Variants in PDE7B observed in about 807,000 individuals in gnomAD.
The protein encoded by PDE7B is phosphodiesterase 7B.
Under a neutral mutation model 56.2 loss-of-function variants are expected in PDE7B, and 29 were observed. That is an observed-to-expected ratio of 0.52 (90% CI 0.38 to 0.70). The LOEUF is 0.70. Ranked by LOEUF, PDE7B falls within the 30% of genes least tolerant of loss-of-function variation. The probability of loss-of-function intolerance (pLI) is 0.00; values close to 1 mark genes in which losing one functional copy is unlikely to be tolerated. For missense variants in PDE7B, 490 were observed against 565.0 expected, an observed-to-expected ratio of 0.87 and a Z score of 1.35; for synonymous variants, 197 against 196.9, an observed-to-expected ratio of 1.00 and a Z score of 0.00.
At chr6:136,010,993 G>A (rs1222441363) in intron 2 of PDE7B, among the ~76,000 whole-genome samples, 1 of 152,118 alleles carries the variant, frequency 6.6e-6, no homozygotes, top group Non-Finnish European at 1.5e-5. Flanking sequence ...CTAGTCAACT[G>A]TTGACATTAC....
chr6:135,915,262 C>T lies in PDE7B; in HGVS notation c.22-32202C>T, dbSNP rs371473469. Reference sequence around the variant, plus strand: ...GTGGCCAAAACAGCACGTAGGTCTTCGTGTGGATGTATGTTTTCACTTCTC... The same window carrying T: ...GTGGCCAAAACAGCACGTAGGTCTTTGTGTGGATGTATGTTTTCACTTCTC... On this transcript the variant is annotated intron_variant, in intron 1 of 12. Coordinates refer to ENST00000308191, the MANE Select transcript of PDE7B (RefSeq NM_018945.4). Among the ~76,000 whole-genome samples the T allele has an allele frequency of 1.2e-4, 19 of 152,250 alleles. 2 individuals carry two copies. The highest frequency in any genetic ancestry group is 5.8e-4 in the East Asian group (3 of 5,184).
At chr6:136,030,578 C>A (rs1276707940) in intron 2 of PDE7B, among the ~76,000 whole-genome samples, 2 of 152,080 alleles carry the variant, frequency 1.3e-5, no homozygotes, top group African/African-American at 4.8e-5. Flanking sequence ...CCTTTTTTTT[C>A]CATCTTTATC....
intron 2 of PDE7B, chr6:136,038,613 G>A (rs1776366656): frequency 9.3e-7 from 1 of 1,073,156 alleles, no homozygotes; most frequent in Non-Finnish European, 1.2e-6. Flanking sequence ...GCCATAGGGA[G>A]GAAAATGAAC....
At chr6:135,989,374 A>G (rs968746774) in intron 2 of PDE7B, among the ~76,000 whole-genome samples, 1 of 152,132 alleles carries the variant, frequency 6.6e-6, no homozygotes, top group African/African-American at 2.4e-5. Context: ...AACACTTTGG[A>G]AGGCAAAGGC....
rs79030652 is a variant in PDE7B, at chr6:136,186,084, C to T, written c.1046-952C>T. On this transcript the variant is annotated intron_variant, in intron 11 of 12. Transcript: ENST00000308191. ...AGTAAGGGCAAAAAAAACACAATTA[C>T]ATTTGCACCAGCCTGATAGCTGACC... 9.2e-4 allele frequency among the ~76,000 whole-genome samples: 140 copies of T among 151,568 alleles called. 3 individuals are homozygous for T. In the East Asian group the frequency reaches 0.013, roughly 14 times the overall value.
intron 1 of PDE7B, among the ~76,000 whole-genome samples, chr6:135,933,350 G>C (rs1774327652): frequency 6.6e-6 from 1 of 152,206 alleles, no homozygotes; most frequent in African/African-American, 2.4e-5. Flanking sequence ...AAGTATGCTT[G>C]TGTTGACATG....
At chr6:135,956,567 C>T (rs915238526) in intron 2 of PDE7B, among the ~76,000 whole-genome samples, 11 of 152,078 alleles carry the variant, frequency 7.2e-5, no homozygotes, top group African/African-American at 2.7e-4. Context: ...TCACTTGAGC[C>T]CAAGAATTCA....
chr6:135,861,571 A>AT (rs1301307254), intron 1 of PDE7B, among the ~76,000 whole-genome samples: 2 of 150,526 alleles, frequency 1.3e-5, no homozygotes, highest in African/African-American at 4.9e-5. Context: ...TATTACAAAC[A>AT]TTTTTTCCAT....
chr6:135,972,551 C>T (rs1212821987), intron 2 of PDE7B, among the ~76,000 whole-genome samples: 1 of 152,098 alleles, frequency 6.6e-6, no homozygotes, highest in Non-Finnish European at 1.5e-5. Context: ...TGCTAATCTA[C>T]CTCCCTCTTC....
chr6:136,026,975 T>C (rs1776163556), intron 2 of PDE7B, among the ~76,000 whole-genome samples: 1 of 152,208 alleles, frequency 6.6e-6, no homozygotes, highest in Non-Finnish European at 1.5e-5. Flanking sequence ...AATATGGATA[T>C]AATGGTAGAG....
intron 1 of PDE7B, among the ~76,000 whole-genome samples, chr6:135,864,451 T>A (rs1263434273): frequency 1.3e-5 from 2 of 152,140 alleles, no homozygotes; most frequent in African/African-American, 2.4e-5. Context: ...TTATTTCTGA[T>A]GTGTACTTTT....
chr6:135,874,829 T>C (rs1172661250), intron 1 of PDE7B, among the ~76,000 whole-genome samples: 1 of 152,186 alleles, frequency 6.6e-6, no homozygotes, highest in Non-Finnish European at 1.5e-5. Context: ...ATGACTGTAA[T>C]AGGTAAATTA....
In PDE7B at chr6:136,031,461, C is replaced by T. The variant is rs969927343; in HGVS notation, c.83-77270C>T. On this transcript the variant is annotated intron_variant, in intron 2 of 12. Transcript: ENST00000308191. ...GTAATTCATAATTACCAGGAGGGGC[C>T]GGGCGCGGTGGCTCACGCCTGTAAT... Among the ~76,000 whole-genome samples, 4 of 152,248 alleles carry T rather than the reference C, an allele frequency of 2.6e-5. No homozygotes were observed. In the East Asian group the frequency reaches 7.7e-4, roughly 29 times the overall value.
intron 3 of PDE7B, among the ~76,000 whole-genome samples, chr6:136,114,560 T>C (rs983027565): frequency 6.6e-6 from 1 of 152,200 alleles, no homozygotes; most frequent in African/African-American, 2.4e-5. Flanking sequence ...GAGAGAATTC[T>C]TGGCAGACAG....
In PDE7B at chr6:136,001,050, G is replaced by A. The variant is rs200596125; in HGVS notation, c.82+53526G>A. Among the ~76,000 whole-genome samples, 17 of 152,298 alleles carry A rather than the reference G, an allele frequency of 1.1e-4. 1 individual carries two copies. The East Asian group carries it at 1.2e-3, about 10-fold the overall frequency. On this transcript the variant is annotated intron_variant, in intron 2 of 12. Transcript: ENST00000308191. ...CAGCATTTGCAGTTCATGAAAATCC[G>A]CTGTTCTGCAGCCACCGCTGCTGAT...
At chr6:136,145,011 G>T (rs1250368997) in intron 3 of PDE7B, among the ~76,000 whole-genome samples, 1 of 151,778 alleles carries the variant, frequency 6.6e-6, no homozygotes, top group Non-Finnish European at 1.5e-5. Flanking sequence ...TTTGATATTG[G>T]GTAATTACCC....
At chr6:136,038,142 C>A in intron 2 of PDE7B, 1 of 1,300,574 alleles carries the variant, frequency 7.7e-7, no homozygotes, top group Non-Finnish European at 1.0e-6. Context: ...GAGGATCTTA[C>A]GGGGGTTCGC....
intron 3 of PDE7B, among the ~76,000 whole-genome samples, chr6:136,139,035 T>G (rs1233984330): frequency 6.6e-6 from 1 of 152,158 alleles, no homozygotes; most frequent in Non-Finnish European, 1.5e-5. Context: ...TTGTTACATA[T>G]GTATACATGT....
chr6:135,966,791 C>T (rs963736188), intron 2 of PDE7B, among the ~76,000 whole-genome samples: 19 of 152,200 alleles, frequency 1.2e-4, no homozygotes, highest in African/African-American at 2.4e-5. Context: ...AAGAAAGGCA[C>T]ATCTATACAG....
Sources: allele counts gnomAD v4.1 joint callset (sites outside exome capture counted in the v4.1 genomes callset), GRCh38; gene constraint gnomAD v4.1.1; transcripts MANE v1.5; gene names NCBI Gene and HGNC (gene_info 2026-07-23, HGNC 2026-07-21).